The following DHRS11 variants were observed in gnomAD, a reference collection of about 807,000 sequenced individuals.
The protein encoded by DHRS11 is dehydrogenase/reductase SDR family member 11.
Under a neutral mutation model 30.7 loss-of-function variants are expected in DHRS11, and 18 were observed. The observed-to-expected ratio is 0.59, with a 90% CI of 0.41 to 0.87. The LOEUF (loss-of-function observed/expected upper bound fraction) is 0.87, where lower values mean the gene tolerates loss of function less well. Ranked by LOEUF, DHRS11 falls within the 40% of genes least tolerant of loss-of-function variation. The probability of loss-of-function intolerance (pLI) is 0.00; values close to 1 mark genes in which losing one functional copy is unlikely to be tolerated. For missense variants in DHRS11, 300 were observed against 349.0 expected (o/e 0.86, Z 1.12); for synonymous variants, 123 against 139.6 (o/e 0.88, Z 0.84).
intron 4 of DHRS11, 110 bp from the exon 5 acceptor site, chr17:36,599,561 A>T: frequency 9.1e-7 from 1 of 1,094,438 alleles, no homozygotes; most frequent in Non-Finnish European, 1.4e-6. Context: ...GCCGGATATC[A>T]GGCAGCCATC....
chr17:36,599,826 C>A (rs1014612084), intron 5 of DHRS11, 63 bp downstream of exon 5: 2 of 1,603,696 alleles, frequency 1.2e-6, no homozygotes, highest in African/African-American at 2.7e-5. Context: ...GAGGGAAGCT[C>A]GGCCTTCAGA....
At position 36,595,122 on chromosome 17, in the gene DHRS11, T is replaced by C. The variant is rs541878580; in HGVS notation, c.299T>C (p.Leu100Ser). The C allele has an allele frequency of 8.1e-6, 13 of 1,614,098 alleles. No homozygotes were observed. In the Admixed American group the frequency reaches 1.5e-4, roughly 19 times the overall value. Residue 100 changes from leucine (L) to serine (S), a missense_variant, in exon 2 of 7, where the codon TTG becomes TCG. Coordinates refer to ENST00000618403, the MANE Select transcript of DHRS11 (RefSeq NM_024308.4). ...GVDICINNAG[L>S]ARPDTLLSGS... ...GACATCTGCATCAACAATGCTGGCT[T>C]GGCCCGGCCTGACACCCTGCTCTCA...
chr17:36,599,163 G>A (rs1419482807), intron 4 of DHRS11, 113 bp downstream of exon 4: 6 of 1,444,818 alleles, frequency 4.2e-6, no homozygotes, highest in Non-Finnish European at 4.6e-6. Flanking sequence ...TCCTGGGAGT[G>A]GACTGGGCAC....
chr17:36,598,313 C>A (rs2074828068), intron 3 of DHRS11, 56 bp downstream of exon 3: 1 of 1,539,132 alleles, frequency 6.5e-7, no homozygotes, highest in East Asian at 2.3e-5. Context: ...TAATGTGCTG[C>A]AGCTCACCTG....
chr17:36,592,275 G>A lies in DHRS11; in HGVS notation c.147+119G>A, dbSNP rs2074773625. The A allele has an allele frequency of 1.7e-6, 2 of 1,168,096 alleles. No individual in the cohort carries two copies. The allele number at this position is 1,168,096 out of a possible 1,614,324, so 72.4% of individuals were successfully genotyped here. On this transcript the variant is annotated intron_variant, in intron 1 of 6. Coordinates refer to ENST00000618403, the MANE Select transcript of DHRS11 (RefSeq NM_024308.4). This position sits in a 1 kb window ranked among gnomAD's most constrained non-coding sequence, Gnocchi z 4.4. ...CGGGGCGGCCTCTCGGATCCCTTAAGGCAGGCTTCTCCCTTCCCCTTAAGT... is the reference window on the plus strand; with the variant it reads ...CGGGGCGGCCTCTCGGATCCCTTAAAGCAGGCTTCTCCCTTCCCCTTAAGT...
At position 36,591,934 on chromosome 17, in the gene DHRS11, A is replaced by G. The variant is rs890474162; in HGVS notation, c.-76A>G. 4.5e-5 allele frequency: 54 copies of G among 1,211,944 alleles called. No homozygotes were observed. The highest frequency in any genetic ancestry group is 5.2e-5 in the Non-Finnish European group (51 of 974,018). The allele number at this position is 1,211,944 out of a possible 1,614,324, so 75.1% of individuals were successfully genotyped here. On this transcript the variant is annotated 5_prime_UTR_variant, in exon 1 of 7. Transcript: ENST00000618403. The stretch of plus-strand genomic sequence containing the variant: ...ACCCAAGCAGGTCGGCGGCGGCGGC[A>G]GGAGAGCGGCCGGGCGTCAGCTCCT...
chr17:36,595,351 TAG>T lies in DHRS11; in HGVS notation c.357+176_357+177del, dbSNP rs566797769. Among the ~76,000 whole-genome samples the T allele has an allele frequency of 6.0e-4, 91 of 150,550 alleles. 1 individual carries two copies. The highest frequency in any genetic ancestry group is 1.1e-3 in the Non-Finnish European group (76 of 67,894). On this transcript the variant is annotated intron_variant, in intron 2 of 6. Transcript: ENST00000618403. The stretch of plus-strand genomic sequence containing the variant: ...TTGGCTTCTTGCCCTACCAGAGGGA[TAG>T]AGAGTGGATGAATGGCCATATCAGC...
chr17:36,599,671 T>G lies in DHRS11; in HGVS notation c.583T>G (p.Cys195Gly). ...REAQTHIRAT[C>G]ISPGVVETQF... ...GAGAAGGCCCTCTCTGTTGGCCCAG[T>G]GCATCTCTCCAGGTGTGGTGGAGAC... The change falls in exon 5 of 7, where the codon TGC (cysteine) becomes GGC (glycine). Residue 195 changes from cysteine (C) to glycine (G), a missense_variant and splice_region_variant. Cys to Gly is a radical substitution (Grantham distance 159, BLOSUM62 -3). Transcript: ENST00000618403. The G allele has an allele frequency of 6.2e-7, 1 of 1,614,130 alleles. No individual in the cohort carries two copies. Among genetic ancestry groups the G allele is most frequent in the Non-Finnish European group, 8.5e-7 (1 of 1,180,016 alleles).
chr17:36,597,148 T>A (rs1003499980), intron 2 of DHRS11: 3 of 269,534 alleles, frequency 1.1e-5, no homozygotes, highest in African/African-American at 2.2e-5. Flanking sequence ...AGGGGCTGAG[T>A]TCTCTGCCTC....
At chr17:36,596,451 C>T (rs543242377) in intron 2 of DHRS11, 63 of 188,120 alleles carry the variant, frequency 3.3e-4, no homozygotes, top group African/African-American at 1.4e-3. Context: ...TGAGCCACCA[C>T]GCCCAGCTGA....
intron 6 of DHRS11, 55 bp downstream of exon 6, chr17:36,600,092 A>G: frequency 2.5e-6 from 4 of 1,613,554 alleles, no homozygotes; most frequent in Non-Finnish European, 3.4e-6. Context: ...GCCCCAGAGG[A>G]GGGGAGCAGG....
At chr17:36,595,567 C>T (rs916313916) in intron 2 of DHRS11, among the ~76,000 whole-genome samples, 1 of 151,600 alleles carries the variant, frequency 6.6e-6, no homozygotes, top group Non-Finnish European at 1.5e-5. Context: ...TTACAGGCAC[C>T]CATCATCAAT....
chr17:36,598,602 T>TTGAGATGTCC, intron 3 of DHRS11: 1 of 502,204 alleles, frequency 2.0e-6, no homozygotes, highest in Non-Finnish European at 3.5e-6. Flanking sequence ...GGACATGGCC[T>TTGAGATGTCC]CTGCCTGCCT....
intron 2 of DHRS11, chr17:36,596,855 G>C (rs1791701346): frequency 2.1e-6 from 1 of 470,788 alleles, no homozygotes; most frequent in Admixed American, 2.4e-5. Context: ...AGATGCTTGG[G>C]CCTGGAAATG....
intron 1 of DHRS11, 28 bp from the exon 2 acceptor site, chr17:36,594,943 C>A (rs371121075): frequency 6.2e-7 from 1 of 1,613,060 alleles, no homozygotes; most frequent in African/African-American, 1.3e-5. Flanking sequence ...GCTGCTCACC[C>A]CAGTCAGACC....
intron 5 of DHRS11, 101 bp from the exon 6 acceptor site, chr17:36,599,871 G>A: frequency 6.3e-7 from 1 of 1,582,660 alleles, no homozygotes; most frequent in Non-Finnish European, 8.6e-7. Flanking sequence ...TCCTCCTGGA[G>A]GGTTGGGGTG....
chr17:36,597,797 G>T, intron 2 of DHRS11: 2 of 351,348 alleles, frequency 5.7e-6, no homozygotes, highest in East Asian at 8.2e-5. Flanking sequence ...GGGTATTTGG[G>T]GGAAGAAATG....
In DHRS11 at chr17:36,595,276, T is replaced by C. The variant is rs1026868600; in HGVS notation, c.357+96T>C. 7.8e-6 allele frequency: 11 copies of C among 1,413,602 alleles called. No individual in the cohort carries two copies. The African/African-American group carries it at 1.3e-4, about 16-fold the overall frequency. The allele number at this position is 1,413,602 out of a possible 1,614,324, so 87.6% of individuals were successfully genotyped here. The stretch of plus-strand genomic sequence containing the variant: ...CCAGAGTGCTGCTGGGGACGGGACA[T>C]CTAGGAAGAGGGAGCTTCGGGTTCC... On this transcript the variant is annotated intron_variant, in intron 2 of 6. Coordinates refer to ENST00000618403, the MANE Select transcript of DHRS11 (RefSeq NM_024308.4).
At chr17:36,598,781 G>A (rs2074831738) in intron 3 of DHRS11, 140 bp from the exon 4 acceptor site, 1 of 1,113,572 alleles carries the variant, frequency 9.0e-7, no homozygotes, top group Admixed American at 2.5e-5. Flanking sequence ...TTAGTGAGCT[G>A]TAGGATGGCC....
Sources: gnomAD v4.1 joint callset for allele counts (sites outside exome capture counted in the v4.1 genomes callset) on GRCh38, gnomAD v4.1.1 for gene constraint, Gnocchi (gnomAD v3.1) non-coding constraint, MANE v1.5 for transcripts, NCBI Gene and HGNC (gene_info 2026-07-23, HGNC 2026-07-21) for gene names.